Variants in ABAT observed in about 807,000 individuals in gnomAD.
ABAT encodes the protein 4-aminobutyrate aminotransferase, also known as 4-aminobutyrate aminotransferase, mitochondrial.
A neutral mutation model predicts 64.6 loss-of-function variants in ABAT; 45 were observed. The observed-to-expected ratio is 0.70, with a 90% confidence interval of 0.55 to 0.89. The LOEUF is 0.89. Ranked by LOEUF, ABAT falls within the 40% of genes least tolerant of loss-of-function variation. ABAT has a pLI of 0.00. For synonymous variants in ABAT, 297 were observed against 250.5 expected (o/e 1.19, Z -1.75); for missense variants, 633 against 658.4 (o/e 0.96, Z 0.42).
intron 1 of ABAT, among the ~76,000 whole-genome samples, chr16:8,688,910 T>C (rs1167604922): frequency 1.3e-5 from 2 of 152,148 alleles, no homozygotes; most frequent in African/African-American, 4.8e-5. Flanking sequence ...ATTCCATCTG[T>C]ACTAAAAATA....
At chr16:8,766,160 G>T in intron 8 of ABAT, 48 bp from the exon 9 acceptor site, 1 of 1,580,318 alleles carries the variant, frequency 6.3e-7, no homozygotes, top group South Asian at 1.1e-5. Flanking sequence ...ATGAAGCCCC[G>T]ACTACCCCAG....
At chr16:8,750,688 T>G in intron 5 of ABAT, 149 bp downstream of exon 5, 1 of 773,342 alleles carries the variant, frequency 1.3e-6, no homozygotes. Flanking sequence ...AAATAAATAA[T>G]GTGTAAAGGG....
intron 5 of ABAT, among the ~76,000 whole-genome samples, chr16:8,754,843 C>T (rs1319095068): frequency 1.3e-5 from 2 of 151,920 alleles, no homozygotes; most frequent in Non-Finnish European, 2.9e-5. Context: ...CTCAGCCTCC[C>T]AAGTAGCTGG....
intron 1 of ABAT, among the ~76,000 whole-genome samples, chr16:8,720,380 T>C (rs1305443181): frequency 6.6e-6 from 1 of 152,242 alleles, no homozygotes; most frequent in African/African-American, 2.4e-5. Context: ...TTCTCAGTCT[T>C]TCTTAGGAAT....
intron 1 of ABAT, among the ~76,000 whole-genome samples, chr16:8,717,505 C>T (rs1465269616): frequency 6.6e-6 from 1 of 152,130 alleles, no homozygotes; most frequent in Non-Finnish European, 1.5e-5. Flanking sequence ...CTACCTGTGC[C>T]TTCATTGTGA....
At chr16:8,724,746 C>CAAAA (rs869130725) in intron 1 of ABAT, among the ~76,000 whole-genome samples, 5 of 6,584 alleles carry the variant, frequency 7.6e-4, no homozygotes, top group African/African-American at 2.2e-3. Flanking sequence ...AAAAAAAAAA[C>CAAAA]AAAAAAAAAA....
chr16:8,764,205 G>C lies in ABAT; in HGVS notation c.447+56G>C. The C allele has an allele frequency of 6.9e-7, 1 of 1,439,928 alleles. No homozygotes were observed. Among genetic ancestry groups the C allele is most frequent in the South Asian group, 1.1e-5 (1 of 87,382 alleles). 89.2% of individuals were successfully genotyped at this position (1,439,928 alleles called of 1,614,324 possible). ...TCAGACGTGGTACTGGCAGGGGAAGGGAAAAGTGGAGACGCCAACAATGAA... is the reference window on the plus strand; with the variant it reads ...TCAGACGTGGTACTGGCAGGGGAAGCGAAAAGTGGAGACGCCAACAATGAA... On this transcript the variant is annotated intron_variant, in intron 7 of 15. Coordinates refer to ENST00000268251, the MANE Select transcript of ABAT (RefSeq NM_020686.6). The surrounding 1 kb of genome is among the most constrained non-coding windows in gnomAD (Gnocchi z 4.2).
intron 1 of ABAT, among the ~76,000 whole-genome samples, chr16:8,731,074 T>G (rs965369822): frequency 1.3e-5 from 2 of 152,162 alleles, no homozygotes; most frequent in Non-Finnish European, 2.9e-5. Flanking sequence ...GCGATTCTTG[T>G]GCCTCAGACT....
chr16:8,749,894 T>C lies in ABAT; in HGVS notation c.199-528T>C, dbSNP rs762300284. Among the ~76,000 whole-genome samples the C allele has an allele frequency of 4.1e-4, 63 of 152,082 alleles. 1 individual carries two copies. Among genetic ancestry groups the C allele is most frequent in the Non-Finnish European group, 8.4e-4 (57 of 67,980 alleles). The stretch of plus-strand genomic sequence containing the variant: ...ACGCCTGGCTAATTTTTGTATTTTT[T>C]AGTAGATACAGGGTTTCACCATGTT... On this transcript the variant is annotated intron_variant, in intron 4 of 15. Coordinates refer to ENST00000268251, the MANE Select transcript of ABAT (RefSeq NM_020686.6).
chr16:8,761,067 C>A (rs1221936238), intron 6 of ABAT, among the ~76,000 whole-genome samples: 1 of 136,110 alleles, frequency 7.3e-6, no homozygotes, highest in Non-Finnish European at 1.6e-5. Context: ...CAGAGCGAGA[C>A]CTTGCCTCTG....
At chr16:8,716,115 G>C (rs1395884888) in intron 1 of ABAT, among the ~76,000 whole-genome samples, 1 of 152,100 alleles carries the variant, frequency 6.6e-6, no homozygotes, top group Non-Finnish European at 1.5e-5. Flanking sequence ...GAGCAGCTTG[G>C]GGATGGGAGA....
In ABAT at chr16:8,748,113, A is replaced by G; in HGVS notation, c.174A>G (p.Leu58=). The part of the protein sequence containing the change: ...TEVPGPRSQE[L]MKQLNIIQNA... ...TTTGTTGTTCTTGCCTGCAGGAGTT[A>G]ATGAAACAGCTGAATATAATTCAGG... is the stretch of plus-strand genomic sequence containing the variant. The change falls in exon 4 of 16, where the codon TTA becomes TTG. Residue 58 remains leucine, a synonymous_variant. Coordinates refer to ENST00000268251, the MANE Select transcript of ABAT (RefSeq NM_020686.6). The G allele has an allele frequency of 6.2e-7, 1 of 1,613,586 alleles. No individual in the cohort carries two copies. The highest frequency in any genetic ancestry group is 8.5e-7 in the Non-Finnish European group (1 of 1,179,620).
chr16:8,688,173 G>A (rs2057500676), intron 1 of ABAT, among the ~76,000 whole-genome samples: 1 of 152,168 alleles, frequency 6.6e-6, no homozygotes, highest in Non-Finnish European at 1.5e-5. Context: ...TTATAGGCAT[G>A]AGCCACCGCA....
At chr16:8,780,857 C>T (rs751905064) in intron 15 of ABAT, 5 of 352,442 alleles carry the variant, frequency 1.4e-5, no homozygotes, top group Non-Finnish European at 2.1e-5. Context: ...CAGAGCCTGT[C>T]CCTCCTCCGT....
chr16:8,736,262 G>T, intron 2 of ABAT: 1 of 206,282 alleles, frequency 4.8e-6, no homozygotes, highest in South Asian at 8.3e-5. Context: ...TGGGAGCTAT[G>T]ATTTAAGATG....
At chr16:8,677,692 T>C (rs557734673) in intron 1 of ABAT, among the ~76,000 whole-genome samples, 1 of 152,278 alleles carries the variant, frequency 6.6e-6, no homozygotes, top group African/African-American at 2.4e-5. Flanking sequence ...CCATCAGAAA[T>C]GTCTGCAGAC....
intron 11 of ABAT, among the ~76,000 whole-genome samples, chr16:8,771,363 G>A (rs1046540369): frequency 4.0e-5 from 6 of 151,592 alleles, no homozygotes; most frequent in African/African-American, 1.2e-4. Context: ...TGGAGACCAA[G>A]GTCAAAATCA....
intron 11 of ABAT, among the ~76,000 whole-genome samples, chr16:8,772,301 T>A (rs1290861936): frequency 8.3e-6 from 1 of 120,412 alleles, no homozygotes; most frequent in Admixed American, 8.4e-5. Context: ...TGTGTGTGTG[T>A]GTGAATGCTC....
Position 8,781,480 on chromosome 16 carries a change from A to C in ABAT, c.*50A>C. 1 of 1,611,504 alleles carries C rather than the reference A, an allele frequency of 6.2e-7. No individual in the cohort carries two copies. Among genetic ancestry groups the C allele is most frequent in the Non-Finnish European group, 8.5e-7 (1 of 1,178,000 alleles). Reference sequence around the variant, plus strand: ...AAAGCCCGGATCCCAACAGTTGTCAAATTGATTAGTTTGCCTAATTCATGT... The same window carrying C: ...AAAGCCCGGATCCCAACAGTTGTCACATTGATTAGTTTGCCTAATTCATGT... On this transcript the variant is annotated 3_prime_UTR_variant, in exon 16 of 16. Transcript: ENST00000268251. The surrounding 1 kb of genome is among the most constrained non-coding windows in gnomAD (Gnocchi z 4.5).
Sources: gnomAD v4.1 joint callset for allele counts (sites outside exome capture counted in the v4.1 genomes callset) on GRCh38, gnomAD v4.1.1 for gene constraint, Gnocchi (gnomAD v3.1) non-coding constraint, MANE v1.5 for transcripts, NCBI Gene and HGNC (gene_info 2026-07-23, HGNC 2026-07-21) for gene names.